The following DLG2 variants were observed in gnomAD, a reference collection of about 807,000 sequenced individuals.
DLG2 encodes discs large MAGUK scaffold protein 2.
Under a neutral mutation model 132.5 loss-of-function variants are expected in DLG2, and 45 were observed. The ratio of observed to expected loss-of-function variants is 0.34; its 90% CI spans 0.27 to 0.44. DLG2 has a LOEUF of 0.44. Ranked by LOEUF, DLG2 falls within the 20% of genes least tolerant of loss-of-function variation. The probability of loss-of-function intolerance (pLI) is 1.00; values close to 1 mark genes in which losing one functional copy is unlikely to be tolerated. For synonymous variants in DLG2, 424 were observed against 419.6 expected, an observed-to-expected ratio of 1.01 and a Z score of -0.13; for missense variants, 1,045 against 1,196.9, an observed-to-expected ratio of 0.87 and a Z score of 1.87.
At chr11:84,563,109 G>T (rs539024613) in intron 6 of DLG2, among the ~76,000 whole-genome samples, 4 of 152,202 alleles carry the variant, frequency 2.6e-5, no homozygotes, top group African/African-American at 9.6e-5. Context: ...ATTCATATTG[G>T]GCTGCATTCC....
chr11:85,317,916 C>T (rs984785303), intron 3 of DLG2, among the ~76,000 whole-genome samples: 11 of 151,668 alleles, frequency 7.3e-5, no homozygotes, highest in African/African-American at 2.4e-4. Context: ...AAAAAAATAG[C>T]ACCCAATTTA....
intron 6 of DLG2, among the ~76,000 whole-genome samples, chr11:85,106,855 C>T (rs961544654): frequency 6.6e-6 from 1 of 151,964 alleles, no homozygotes; most frequent in Non-Finnish European, 1.5e-5. Context: ...CCAAATATTG[C>T]ATCTTTTGTC....
chr11:84,820,058 C>T (rs2077504797), intron 6 of DLG2, among the ~76,000 whole-genome samples: 1 of 150,288 alleles, frequency 6.7e-6, no homozygotes, highest in South Asian at 2.1e-4. Flanking sequence ...GGCCTCTTCT[C>T]ATTGTGGATT....
intron 5 of DLG2, among the ~76,000 whole-genome samples, chr11:85,141,527 T>A (rs751907072): frequency 6.6e-6 from 1 of 151,814 alleles, no homozygotes; most frequent in Non-Finnish European, 1.5e-5. Flanking sequence ...TTGTTGATTA[T>A]TTCCTTTGCT....
chr11:83,937,128 A>T (rs1225553078), intron 14 of DLG2, among the ~76,000 whole-genome samples: 2 of 152,198 alleles, frequency 1.3e-5, no homozygotes. Flanking sequence ...TCAGGTTAGT[A>T]GTTACTAAGA....
chr11:84,286,653 T>C (rs889742591), intron 7 of DLG2, among the ~76,000 whole-genome samples: 1 of 152,204 alleles, frequency 6.6e-6, no homozygotes, highest in Non-Finnish European at 1.5e-5. Context: ...GCAAGATCTA[T>C]ATGGCACACT....
chr11:84,275,442 C>A (rs2097775155), intron 7 of DLG2, among the ~76,000 whole-genome samples: 1 of 152,172 alleles, frequency 6.6e-6, no homozygotes, highest in African/African-American at 2.4e-5. Flanking sequence ...GCAAGCTCCA[C>A]CTTTCAGGTT....
intron 6 of DLG2, among the ~76,000 whole-genome samples, chr11:84,834,280 A>G (rs2079423160): frequency 1.3e-5 from 2 of 151,658 alleles, no homozygotes; most frequent in Non-Finnish European, 3.0e-5. Context: ...AAAGAAAAAA[A>G]TAAACTACCC....
chr11:83,552,947 T>C (rs1281294387), intron 19 of DLG2, among the ~76,000 whole-genome samples: 1 of 152,324 alleles, frequency 6.6e-6, no homozygotes, highest in Non-Finnish European at 1.5e-5. Flanking sequence ...CTGTGCCACA[T>C]TGTAACCTTG....
chr11:85,432,527 T>G (rs952161859), intron 3 of DLG2, among the ~76,000 whole-genome samples: 3 of 151,680 alleles, frequency 2.0e-5, no homozygotes, highest in African/African-American at 7.3e-5. Flanking sequence ...GAACAAGAAC[T>G]TCAAGAAAAA....
intron 6 of DLG2, among the ~76,000 whole-genome samples, chr11:85,092,421 T>C (rs2068937814): frequency 6.6e-6 from 1 of 152,126 alleles, no homozygotes; most frequent in Non-Finnish European, 1.5e-5. Context: ...GAAAAAATAA[T>C]TTTAAAATTT....
chr11:84,462,127 T>A (rs1333341362), intron 7 of DLG2, among the ~76,000 whole-genome samples: 1 of 150,866 alleles, frequency 6.6e-6, no homozygotes, highest in Admixed American at 6.6e-5. Flanking sequence ...AGTATATAAC[T>A]ATTATAATTC....
At chr11:84,091,358 A>G (rs1309961847) in intron 10 of DLG2, among the ~76,000 whole-genome samples, 2 of 152,128 alleles carry the variant, frequency 1.3e-5, no homozygotes, top group African/African-American at 4.8e-5. Flanking sequence ...CAGCCAGTAG[A>G]GGGAAAACAG....
chr11:84,591,223 C>CTCTGTGTG (rs1555073566), intron 6 of DLG2, among the ~76,000 whole-genome samples: 11,365 of 139,202 alleles, frequency 0.082, 479 homozygotes, highest in African/African-American at 0.12. Flanking sequence ...ATGTGTCTCT[C>CTCTGTGTG]TGTGTGTGTG....
At chr11:84,513,542 A>G (rs1208597978) in intron 7 of DLG2, among the ~76,000 whole-genome samples, 3 of 152,148 alleles carry the variant, frequency 2.0e-5, no homozygotes, top group Non-Finnish European at 4.4e-5. Flanking sequence ...ACACATATAC[A>G]GTAAACTCAT....
intron 12 of DLG2, among the ~76,000 whole-genome samples, chr11:83,970,967 C>G (rs747836706): frequency 6.6e-6 from 1 of 152,082 alleles, no homozygotes; most frequent in South Asian, 2.1e-4. Flanking sequence ...ATGTTTTCCA[C>G]AAAAGTGAGT....
chr11:84,622,365 A>G (rs1293076157), intron 6 of DLG2, among the ~76,000 whole-genome samples: 1 of 152,184 alleles, frequency 6.6e-6, no homozygotes, highest in Non-Finnish European at 1.5e-5. Flanking sequence ...ACATGCTCTG[A>G]CAGCAGCAGA....
At chr11:84,236,935 G>GT (rs59927214) in intron 8 of DLG2, among the ~76,000 whole-genome samples, 34,293 of 136,676 alleles carry the variant, frequency 0.25, 4,810 homozygotes, top group African/African-American at 0.38. Flanking sequence ...TTTTTTTTTT[G>GT]TTTTTTTTTT....
At chr11:83,479,086 C>G (rs2092874262) in intron 22 of DLG2, among the ~76,000 whole-genome samples, 1 of 152,044 alleles carries the variant, frequency 6.6e-6, no homozygotes, top group African/African-American at 2.4e-5. Flanking sequence ...TTCTATCAAT[C>G]AATCAATAAA....
Sources: gnomAD v4.1 joint callset for allele counts (sites outside exome capture counted in the v4.1 genomes callset) on GRCh38, gnomAD v4.1.1 for gene constraint, MANE v1.5 for transcripts, NCBI Gene and HGNC (gene_info 2026-07-23, HGNC 2026-07-21) for gene names.